TMEM26: variants seen among roughly 807,000 people sequenced by gnomAD.
TMEM26 encodes transmembrane protein 26.
A neutral mutation model predicts 28.8 loss-of-function variants in TMEM26; 38 were observed. The ratio of observed to expected loss-of-function variants is 1.32; its 90% CI spans 1.02 to 1.73. The LOEUF (loss-of-function observed/expected upper bound fraction) is 1.73, where lower values mean the gene tolerates loss of function less well. TMEM26 is among the 40% of genes most tolerant of loss of function. TMEM26 has a pLI of 0.00. For missense variants in TMEM26, 518 were observed against 447.1 expected (o/e 1.16, Z -1.43); for synonymous variants, 227 against 182.9 (o/e 1.24, Z -1.95).
intron 4 of TMEM26, chr10:61,414,207 A>G: frequency 3.3e-6 from 1 of 304,316 alleles, no homozygotes; most frequent in Non-Finnish European, 4.8e-6. Context: ...CAAATATACA[A>G]ATGTCCTAGA....
intron 4 of TMEM26, among the ~76,000 whole-genome samples, chr10:61,418,959 G>A (rs964714997): frequency 9.2e-5 from 14 of 152,240 alleles, no homozygotes; most frequent in African/African-American, 3.1e-4. Flanking sequence ...TCAAAGAGCA[G>A]AAGTCATAAG....
At chr10:61,430,553 A>G (rs1220158380) in intron 3 of TMEM26, among the ~76,000 whole-genome samples, 1 of 150,110 alleles carries the variant, frequency 6.7e-6, no homozygotes, top group Non-Finnish European at 1.5e-5. Context: ...GTCTAGGTAG[A>G]AAATCCCAAA....
chr10:61,453,175 A>G lies in TMEM26; in HGVS notation c.-94T>C. ...CCCACCGGTGAGCAGGAATATGACA[A>G]GCACTGAGACCTGCTGCTGCTTGTG... On this transcript the variant is annotated 5_prime_UTR_variant, in exon 1 of 6. Coordinates refer to ENST00000399298, the MANE Select transcript of TMEM26 (RefSeq NM_178505.8). 6 of 1,320,792 alleles carry G rather than the reference A, an allele frequency of 4.5e-6. No homozygotes were observed. The highest frequency in any genetic ancestry group is 5.2e-6 in the Non-Finnish European group (5 of 953,572). The allele number at this position is 1,320,792 out of a possible 1,614,324, so 81.8% of individuals were successfully genotyped here. A position where few individuals can be genotyped will look rare whatever the true frequency, so the allele number is the denominator to read the frequency against.
chr10:61,410,249 G>A lies in TMEM26; in HGVS notation c.*73C>T. The A allele has an allele frequency of 1.4e-6, 2 of 1,441,772 alleles. No homozygotes were observed. The highest frequency in any genetic ancestry group is 9.4e-7 in the Non-Finnish European group (1 of 1,068,730). 89.3% of individuals were successfully genotyped at this position (1,441,772 alleles called of 1,614,324 possible). A position where few individuals can be genotyped will look rare whatever the true frequency, so the allele number is the denominator to read the frequency against. Reference sequence around the variant, plus strand: ...AAAATTATTATACGCCAAGGTTGGAGGAGAAAAAGGATCCTCCCTGTAAGA... The same window carrying A: ...AAAATTATTATACGCCAAGGTTGGAAGAGAAAAAGGATCCTCCCTGTAAGA... On this transcript the variant is annotated 3_prime_UTR_variant, in exon 6 of 6. Transcript: ENST00000399298.
intron 5 of TMEM26, 115 bp downstream of exon 5, chr10:61,413,344 A>T (rs1450908899): frequency 8.2e-6 from 12 of 1,468,284 alleles, no homozygotes; most frequent in Non-Finnish European, 9.9e-6. Context: ...CTGAACTAGA[A>T]CTAATATTGG....
At chr10:61,416,203 A>G (rs1480854392) in intron 4 of TMEM26, 1 of 414,708 alleles carries the variant, frequency 2.4e-6, no homozygotes, top group African/African-American at 2.1e-5. Context: ...GATCTTTTGA[A>G]GTTTCATCTA....
intron 5 of TMEM26, chr10:61,412,873 A>C: frequency 8.4e-7 from 1 of 1,192,288 alleles, no homozygotes; most frequent in South Asian, 1.4e-5. Flanking sequence ...CCTGGGAAAC[A>C]GATTACTTCT....
intron 4 of TMEM26, among the ~76,000 whole-genome samples, chr10:61,422,126 A>G (rs1839759516): frequency 1.3e-5 from 2 of 152,142 alleles, no homozygotes; most frequent in African/African-American, 4.8e-5. Context: ...TCAATTTTGC[A>G]CACCTACATA....
intron 2 of TMEM26, among the ~76,000 whole-genome samples, chr10:61,433,631 A>T (rs1367000436): frequency 6.6e-6 from 1 of 152,182 alleles, no homozygotes; most frequent in East Asian, 1.9e-4. Flanking sequence ...AAGGTAAGAA[A>T]TTAGTTATCT....
chr10:61,444,809 G>C (rs967830238), intron 1 of TMEM26, among the ~76,000 whole-genome samples: 2 of 152,050 alleles, frequency 1.3e-5, no homozygotes, highest in East Asian at 1.9e-4. Context: ...GGATTACCAA[G>C]CTTTCCATCC....
At chr10:61,410,851 A>C in intron 5 of TMEM26, 105 bp from the exon 6 acceptor site, 1 of 1,117,238 alleles carries the variant, frequency 9.0e-7, no homozygotes, top group Non-Finnish European at 1.3e-6. Flanking sequence ...GCTAGTAATA[A>C]TTCTGTGATT....
intron 1 of TMEM26, among the ~76,000 whole-genome samples, chr10:61,450,330 A>C (rs1415380669): frequency 6.6e-6 from 1 of 152,194 alleles, no homozygotes; most frequent in African/African-American, 2.4e-5. Context: ...TCAAAAACAA[A>C]AATTACACCT....
chr10:61,448,784 C>A (rs150342803), intron 1 of TMEM26, among the ~76,000 whole-genome samples: 1 of 152,152 alleles, frequency 6.6e-6, no homozygotes, highest in Admixed American at 6.5e-5. Flanking sequence ...TATTTATTAA[C>A]TCACAAATGA....
intron 1 of TMEM26, among the ~76,000 whole-genome samples, chr10:61,447,813 C>A (rs1160409346): frequency 1.3e-5 from 2 of 152,174 alleles, no homozygotes; most frequent in East Asian, 3.9e-4. Flanking sequence ...CCCAGCCAGG[C>A]CTCTCTGACC....
chr10:61,452,781 G>A, intron 1 of TMEM26, 110 bp downstream of exon 1: 1 of 1,345,558 alleles, frequency 7.4e-7, no homozygotes. Context: ...AGGAAAAACG[G>A]GGTCCAAATT....
At chr10:61,451,592 T>C (rs150655857) in intron 1 of TMEM26, among the ~76,000 whole-genome samples, 1 of 152,306 alleles carries the variant, frequency 6.6e-6, no homozygotes, top group East Asian at 1.9e-4. Flanking sequence ...CATTTTTCTT[T>C]GAGATTTCCA....
intron 2 of TMEM26, among the ~76,000 whole-genome samples, chr10:61,434,238 G>A (rs1839967054): frequency 3.3e-5 from 5 of 152,210 alleles, no homozygotes; most frequent in African/African-American, 1.2e-4. Flanking sequence ...GTGTCAAAAT[G>A]AGTCAAATCC....
In TMEM26 at chr10:61,440,494, A is replaced by C. The variant is rs554039942; in HGVS notation, c.192-4246T>G. 1.4e-4 allele frequency among the ~76,000 whole-genome samples: 19 copies of C among 135,016 alleles called. No homozygotes were observed. The Admixed American group carries it at 1.5e-3, about 10-fold the overall frequency. The allele number at this position is 135,016 out of a possible 152,430, so 88.6% of individuals were successfully genotyped here. A position where few individuals can be genotyped will look rare whatever the true frequency, so the allele number is the denominator to read the frequency against. ...ATTCTTCCAACTGTGTTCATATAAC[A>C]GTGTTCTTCTTCCAGTTCTCAAAAA... On this transcript the variant is annotated intron_variant, in intron 1 of 5. Transcript: ENST00000399298.
intron 4 of TMEM26, among the ~76,000 whole-genome samples, chr10:61,417,518 AG>A (rs1839673534): frequency 6.6e-6 from 1 of 151,704 alleles, no homozygotes; most frequent in Non-Finnish European, 1.5e-5. Context: ...AATAATAGAA[AG>A]GAAGAAAAAA....
Sources: gnomAD v4.1 joint callset for allele counts (sites outside exome capture counted in the v4.1 genomes callset) on GRCh38, gnomAD v4.1.1 for gene constraint, MANE v1.5 for transcripts, NCBI Gene and HGNC (gene_info 2026-07-23, HGNC 2026-07-21) for gene names.